ME3: variants seen among roughly 807,000 people sequenced by gnomAD.
ME3 encodes the protein NADP-dependent malic enzyme, mitochondrial.
ME3 carries 48 observed loss-of-function variants against 68.9 expected under a neutral mutation model. The observed-to-expected ratio is 0.70, with a 90% confidence interval of 0.55 to 0.89. The LOEUF (loss-of-function observed/expected upper bound fraction) is 0.89, where lower values mean the gene tolerates loss of function less well. Ranked by LOEUF, ME3 falls within the 40% of genes least tolerant of loss-of-function variation. The pLI is 0.00. For missense variants in ME3, 675 were observed against 797.4 expected, an observed-to-expected ratio of 0.85 and a Z score of 1.85; for synonymous variants, 320 against 318.8, an observed-to-expected ratio of 1.00 and a Z score of -0.04.
intron 2 of ME3, among the ~76,000 whole-genome samples, chr11:86,643,933 A>G (rs915551839): frequency 1.3e-5 from 2 of 152,230 alleles, no homozygotes; most frequent in South Asian, 2.1e-4. Flanking sequence ...TAACGAAGGT[A>G]ATAACACCTG....
At chr11:86,646,967 G>T (rs964234578) in intron 2 of ME3, among the ~76,000 whole-genome samples, 1 of 152,132 alleles carries the variant, frequency 6.6e-6, no homozygotes, top group Non-Finnish European at 1.5e-5. Flanking sequence ...CATAAGTGAG[G>T]GAGAAATAAA....
At chr11:86,660,644 G>C (rs548359773) in intron 2 of ME3, among the ~76,000 whole-genome samples, 1 of 152,082 alleles carries the variant, frequency 6.6e-6, no homozygotes, top group Non-Finnish European at 1.5e-5. Flanking sequence ...TATGCCCCTT[G>C]AGGGTGTCAC....
At chr11:86,628,279 A>C (rs1703579795) in intron 2 of ME3, among the ~76,000 whole-genome samples, 1 of 152,182 alleles carries the variant, frequency 6.6e-6, no homozygotes, top group South Asian at 2.1e-4. Flanking sequence ...GCCTGCCGCC[A>C]TCTCCAGCCT....
chr11:86,660,926 TAA>T (rs1212536611), intron 2 of ME3, among the ~76,000 whole-genome samples: 1 of 151,976 alleles, frequency 6.6e-6, no homozygotes, highest in Admixed American at 6.5e-5. Flanking sequence ...TGGAGTGATC[TAA>T]AAGAGGGTCA....
Position 86,569,692 on chromosome 11 carries a change from C to T in ME3, c.184-9869G>A, listed in dbSNP as rs148782793. ...GTTGGGTCAGGCACTGAGACAGATA[C>T]TTTACACTCATCGTGTCCTCTCATT... On this transcript the variant is annotated intron_variant, in intron 2 of 14. Coordinates refer to ENST00000543262, the Ensembl canonical transcript of ME3. Among the ~76,000 whole-genome samples, 995 of 152,292 alleles carry T rather than the reference C, an allele frequency of 6.5e-3. 7 individuals carry two copies. Among genetic ancestry groups the T allele is most frequent in the Non-Finnish European group, 9.8e-3 (664 of 68,034 alleles).
At chr11:86,595,306 T>TATATAGAGAG (rs371436753) in intron 2 of ME3, among the ~76,000 whole-genome samples, 11 of 79,824 alleles carry the variant, frequency 1.4e-4, no homozygotes, top group African/African-American at 3.9e-4. Flanking sequence ...TATATATATA[T>TATATAGAGAG]AGAGAGAGAG....
At chr11:86,487,390 G>T in exon 7 of ME3, 8 of 1,614,052 alleles carry the variant, frequency 5.0e-6, no homozygotes, top group Admixed American at 1.7e-5. Flanking sequence ...ATGCCTTCCC[G>T]TGCACGCGCT....
intron 2 of ME3, among the ~76,000 whole-genome samples, chr11:86,627,872 A>G (rs7103017): frequency 0.18 from 27,557 of 152,184 alleles, 2,944 homozygotes; most frequent in East Asian, 0.31. Flanking sequence ...AACACCACGC[A>G]TAAGCAATTC....
At chr11:86,646,839 C>T (rs1256138551) in intron 2 of ME3, among the ~76,000 whole-genome samples, 2 of 152,196 alleles carry the variant, frequency 1.3e-5, no homozygotes, top group Admixed American at 6.5e-5. Context: ...GTCCATCAGA[C>T]TAACAGTGGA....
At chr11:86,628,321 G>A (rs1007825568) in intron 2 of ME3, among the ~76,000 whole-genome samples, 1 of 152,206 alleles carries the variant, frequency 6.6e-6, no homozygotes, top group Non-Finnish European at 1.5e-5. Flanking sequence ...ACTGGAGCCT[G>A]TTCTGGGCCC....
In ME3 at chr11:86,558,852, G is replaced by A. The variant is rs117187525; in HGVS notation, c.317+838C>T. On this transcript the variant is annotated intron_variant, in intron 3 of 14. Coordinates refer to ENST00000543262, the Ensembl canonical transcript of ME3. ...ATGAGTTTTCCCTATGGTACTCATCGTACCAATGGGAAAAGACCCATAGAG... is the reference window on the plus strand; with the variant it reads ...ATGAGTTTTCCCTATGGTACTCATCATACCAATGGGAAAAGACCCATAGAG... Among the ~76,000 whole-genome samples, 77 of 152,234 alleles carry A rather than the reference G, an allele frequency of 5.1e-4. 1 individual carries two copies. The East Asian group carries it at 0.014, about 28-fold the overall frequency.
intron 2 of ME3, among the ~76,000 whole-genome samples, chr11:86,636,780 A>G (rs1269329830): frequency 1.3e-5 from 2 of 152,234 alleles, no homozygotes; most frequent in East Asian, 3.8e-4. Context: ...GAGTTGATAA[A>G]TGATTATCTA....
chr11:86,511,648 G>C (rs1016319723), intron 4 of ME3, among the ~76,000 whole-genome samples: 1 of 152,096 alleles, frequency 6.6e-6, no homozygotes, highest in African/African-American at 2.4e-5. Context: ...AACTGCCTTT[G>C]TAAGACTAAG....
At chr11:86,659,326 A>T in intron 2 of ME3, among the ~76,000 whole-genome samples, 1 of 152,200 alleles carries the variant, frequency 6.6e-6, no homozygotes. Context: ...TCAAGACCCT[A>T]TTTCAAGATG....
At chr11:86,559,057 C>T (rs898519676) in intron 3 of ME3, among the ~76,000 whole-genome samples, 1 of 152,172 alleles carries the variant, frequency 6.6e-6, no homozygotes, top group African/African-American at 2.4e-5. Context: ...CCATTTATAG[C>T]CATTCAACCT....
At chr11:86,669,148 G>A (rs576906048) in intron 2 of ME3, among the ~76,000 whole-genome samples, 8 of 152,204 alleles carry the variant, frequency 5.3e-5, no homozygotes, top group African/African-American at 1.9e-4. Flanking sequence ...GGGAAGAGAA[G>A]GGCACTCACA....
At chr11:86,584,588 C>T (rs1958627113) in intron 2 of ME3, among the ~76,000 whole-genome samples, 1 of 152,138 alleles carries the variant, frequency 6.6e-6, no homozygotes, top group African/African-American at 2.4e-5. Flanking sequence ...AGGGCATATA[C>T]ATAAAATGGA....
intron 8 of ME3, among the ~76,000 whole-genome samples, chr11:86,450,719 A>C (rs1949580288): frequency 1.3e-5 from 2 of 152,230 alleles, no homozygotes; most frequent in South Asian, 4.1e-4. Flanking sequence ...AAGAAGCATG[A>C]GCCTCATAGA....
intron 2 of ME3, among the ~76,000 whole-genome samples, chr11:86,575,424 A>G (rs765587881): frequency 6.1e-5 from 9 of 147,494 alleles, no homozygotes; most frequent in Non-Finnish European, 1.0e-4. Flanking sequence ...TACCTCATCT[A>G]CTTTACAGAG....
Sources: allele counts gnomAD v4.1 joint callset (sites outside exome capture counted in the v4.1 genomes callset), GRCh38; gene constraint gnomAD v4.1.1; transcripts MANE v1.5; gene names NCBI Gene and HGNC (gene_info 2026-07-23, HGNC 2026-07-21).